SHROOM3: variants seen among roughly 807,000 people sequenced by gnomAD.
The protein encoded by SHROOM3 is shroom family member 3.
A neutral mutation model predicts 138.6 loss-of-function variants in SHROOM3; 47 were observed. The ratio of observed to expected loss-of-function variants is 0.34; its 90% CI spans 0.27 to 0.43. SHROOM3 has a LOEUF of 0.43. Ranked by LOEUF, SHROOM3 falls within the 20% of genes least tolerant of loss-of-function variation. The probability of loss-of-function intolerance (pLI) is 1.00; values close to 1 mark genes in which losing one functional copy is unlikely to be tolerated. For missense variants in SHROOM3, 2,491 were observed against 2,596.5 expected (o/e 0.96, Z 0.88); for synonymous variants, 1,062 against 1,063.3 (o/e 1.00, Z 0.02).
chr4:76,761,976 A>G (rs1722001445), intron 9 of SHROOM3, among the ~76,000 whole-genome samples: 1 of 152,156 alleles, frequency 6.6e-6, no homozygotes, highest in African/African-American at 2.4e-5. Context: ...AAATATCCAG[A>G]AGCCCACTGT....
chr4:76,744,581 T>C (rs1347016208), intron 5 of SHROOM3, among the ~76,000 whole-genome samples: 1 of 152,232 alleles, frequency 6.6e-6, no homozygotes, highest in Non-Finnish European at 1.5e-5. Flanking sequence ...TTGTGGTTAT[T>C]ATATACATAT....
intron 2 of SHROOM3, among the ~76,000 whole-genome samples, chr4:76,596,867 T>G (rs1455215506): frequency 6.6e-6 from 1 of 152,182 alleles, no homozygotes; most frequent in East Asian, 1.9e-4. Flanking sequence ...CCCGGAGCCA[T>G]CACTGGGCTC....
At chr4:76,513,328 A>G (rs1405421137) in intron 1 of SHROOM3, among the ~76,000 whole-genome samples, 3 of 133,228 alleles carry the variant, frequency 2.3e-5, no homozygotes, top group Non-Finnish European at 3.1e-5. Context: ...GGAAAATAAT[A>G]TGTTTTTTTT....
intron 2 of SHROOM3, chr4:76,586,008 T>A (rs1274932077): frequency 2.0e-5 from 3 of 152,590 alleles, no homozygotes; most frequent in African/African-American, 7.2e-5. Flanking sequence ...AGAGCGACAC[T>A]TGTTGGGGAC....
In SHROOM3 at chr4:76,466,539, A is replaced by C. The variant is rs144113795; in HGVS notation, c.168+30319A>C. Among the ~76,000 whole-genome samples, 3 of 152,338 alleles carry C rather than the reference A, an allele frequency of 2.0e-5. No individual in the cohort carries two copies. In the East Asian group the frequency reaches 5.8e-4, roughly 29 times the overall value. ...GCAGTGTCTGTACGCCTCAGGTAAC[A>C]AGTCACTGCCAACTCTGTAATACGT... is the stretch of plus-strand genomic sequence containing the variant. On this transcript the variant is annotated intron_variant, in intron 1 of 10. Coordinates refer to ENST00000296043, the MANE Select transcript of SHROOM3 (RefSeq NM_020859.4).
rs1720570911 is a variant in SHROOM3 at position 76,722,108 on chromosome 4, T to A, written c.456-8696T>A. ...ATGATCATGCCACTGCACTCCAGCT[T>A]GGGTGACAGAGTGAGACCCTGCCTC... On this transcript the variant is annotated intron_variant, in intron 3 of 10. Transcript: ENST00000296043. 3.3e-5 allele frequency among the ~76,000 whole-genome samples: 5 copies of A among 152,226 alleles called. No homozygotes were observed. In the South Asian group the frequency reaches 1.0e-3, roughly 32 times the overall value.
intron 1 of SHROOM3, among the ~76,000 whole-genome samples, chr4:76,437,506 A>G (rs1730586394): frequency 6.6e-6 from 1 of 152,176 alleles, no homozygotes; most frequent in Non-Finnish European, 1.5e-5. Flanking sequence ...TGGATCCCAC[A>G]ACTCCAGCAT....
At chr4:76,717,932 T>C (rs961632138) in intron 3 of SHROOM3, among the ~76,000 whole-genome samples, 1 of 152,216 alleles carries the variant, frequency 6.6e-6, no homozygotes, top group Non-Finnish European at 1.5e-5. Flanking sequence ...ATTCAACTTT[T>C]ATCCATATAT....
At chr4:76,622,738 A>C (rs1374799648) in intron 2 of SHROOM3, among the ~76,000 whole-genome samples, 1 of 152,090 alleles carries the variant, frequency 6.6e-6, no homozygotes, top group Non-Finnish European at 1.5e-5. Context: ...CATGATGGCC[A>C]TGAATATTTT....
At chr4:76,645,842 C>T (rs1433963198) in intron 2 of SHROOM3, among the ~76,000 whole-genome samples, 1 of 152,020 alleles carries the variant, frequency 6.6e-6, no homozygotes, top group Non-Finnish European at 1.5e-5. Flanking sequence ...CAAAACACTT[C>T]TTCTTCCAAG....
chr4:76,577,041 A>G (rs1733953763), intron 2 of SHROOM3, among the ~76,000 whole-genome samples: 2 of 152,184 alleles, frequency 1.3e-5, no homozygotes, highest in Non-Finnish European at 2.9e-5. Context: ...GAATACTGGA[A>G]CAAATGCTCC....
intron 1 of SHROOM3, among the ~76,000 whole-genome samples, chr4:76,534,941 A>G (rs1213973506): frequency 6.6e-6 from 1 of 152,192 alleles, no homozygotes; most frequent in Non-Finnish European, 1.5e-5. Flanking sequence ...CCATTTTTGC[A>G]TGATAATTAA....
At chr4:76,732,569 T>G (rs189091550) in intron 4 of SHROOM3, among the ~76,000 whole-genome samples, 3 of 152,190 alleles carry the variant, frequency 2.0e-5, no homozygotes, top group African/African-American at 7.2e-5. Flanking sequence ...TGAAAGAAAT[T>G]ATTCTCACCG....
intron 2 of SHROOM3, among the ~76,000 whole-genome samples, chr4:76,686,240 G>C (rs558370364): frequency 6.6e-6 from 1 of 152,100 alleles, no homozygotes; most frequent in Non-Finnish European, 1.5e-5. Flanking sequence ...GACTGGTCTT[G>C]AGCAATCCTC....
At chr4:76,612,234 T>C (rs957571221) in intron 2 of SHROOM3, among the ~76,000 whole-genome samples, 30 of 152,226 alleles carry the variant, frequency 2.0e-4, no homozygotes, top group Admixed American at 2.0e-3. Context: ...GCATGTATCC[T>C]GCTTCTCTCC....
At chr4:76,750,820 A>AG (rs1281662497) in intron 6 of SHROOM3, among the ~76,000 whole-genome samples, 1 of 152,158 alleles carries the variant, frequency 6.6e-6, no homozygotes, top group Non-Finnish European at 1.5e-5. Flanking sequence ...TTAAAAAAAA[A>AG]AAAAAACTTT....
rs560656034 is a variant in SHROOM3, at chr4:76,599,967, G to A, written c.323+44204G>A. ...TTGCTTGAGCCCAGGACAACATAGCGGACCCTATTTCTAAAAAAACATTTT... is the reference window on the plus strand; with the variant it reads ...TTGCTTGAGCCCAGGACAACATAGCAGACCCTATTTCTAAAAAAACATTTT... On this transcript the variant is annotated intron_variant, in intron 2 of 10. Transcript: ENST00000296043. 7.3e-5 allele frequency among the ~76,000 whole-genome samples: 11 copies of A among 151,552 alleles called. No homozygotes were observed. In the South Asian group the frequency reaches 1.9e-3, roughly 26 times the overall value.
intron 2 of SHROOM3, among the ~76,000 whole-genome samples, chr4:76,596,581 A>AACACACACACACACAC (rs58214296): frequency 8.7e-4 from 120 of 138,220 alleles, no homozygotes; most frequent in East Asian, 4.4e-3. Context: ...GGTACAGAGA[A>AACACACACACACACAC]ACACACACAC....
At chr4:76,695,726 C>A (rs1719707925) in intron 2 of SHROOM3, among the ~76,000 whole-genome samples, 1 of 152,198 alleles carries the variant, frequency 6.6e-6, no homozygotes, top group African/African-American at 2.4e-5. Flanking sequence ...CTTAGTTTCT[C>A]CCCCAAAGTC....
Sources: allele counts gnomAD v4.1 joint callset (sites outside exome capture counted in the v4.1 genomes callset), GRCh38; gene constraint gnomAD v4.1.1; transcripts MANE v1.5; gene names NCBI Gene and HGNC (gene_info 2026-07-23, HGNC 2026-07-21).